IMPG2: variants seen among roughly 807,000 people sequenced by gnomAD.
The protein encoded by IMPG2 is interphotoreceptor matrix proteoglycan 2.
IMPG2 carries 91 observed loss-of-function variants against 129.2 expected under a neutral mutation model. The observed-to-expected ratio is 0.70, with a 90% CI of 0.59 to 0.84. The LOEUF (loss-of-function observed/expected upper bound fraction) is 0.84, where lower values mean the gene tolerates loss of function less well. IMPG2 is among the 40% of genes least tolerant of loss of function. The pLI is 0.00. For synonymous variants in IMPG2, 510 were observed against 517.7 expected (o/e 0.99, Z 0.20); for missense variants, 1,430 against 1,461.7 (o/e 0.98, Z 0.35).
At chr3:101,311,013 C>T (rs1380609448) in intron 2 of IMPG2, among the ~76,000 whole-genome samples, 1 of 152,028 alleles carries the variant, frequency 6.6e-6, no homozygotes, top group Non-Finnish European at 1.5e-5. Context: ...AATTCAATTG[C>T]CAGAGTCCCA....
chr3:101,303,779 A>G (rs1668470661), intron 3 of IMPG2, among the ~76,000 whole-genome samples: 1 of 152,218 alleles, frequency 6.6e-6, no homozygotes, highest in Admixed American at 6.5e-5. Context: ...CTCTGAGTTG[A>G]TAACATGTAA....
rs2107207739 is a variant in IMPG2 at position 101,232,722 on chromosome 3, C to A, written c.3233+59G>T. On this transcript the variant is annotated intron_variant, in intron 15 of 18. Transcript: ENST00000193391. ...ATCCTAAAATTATAGGTGCAGGCCC[C>A]TTTTCTTTAGAGGAAATATCTATAG... The A allele has an allele frequency of 6.1e-6, 9 of 1,468,358 alleles. No homozygotes were observed. In the South Asian group the frequency reaches 1.0e-4, roughly 17 times the overall value. The allele number at this position is 1,468,358 out of a possible 1,614,324, so 91.0% of individuals were successfully genotyped here. A position where few individuals can be genotyped will look rare whatever the true frequency, so the allele number is the denominator to read the frequency against.
intron 6 of IMPG2, 69 bp downstream of exon 6, chr3:101,275,594 G>A: frequency 1.8e-6 from 2 of 1,136,986 alleles, no homozygotes; most frequent in South Asian, 2.5e-5. Context: ...CCAGCAATGG[G>A]AGATAAACTC....
chr3:101,295,988 AGAACCATGTTGT>A (rs1707075703), intron 3 of IMPG2, among the ~76,000 whole-genome samples: 1 of 152,218 alleles, frequency 6.6e-6, no homozygotes, highest in Non-Finnish European at 1.5e-5. Context: ...TTCTAAACAT[AGAACCATGTTGT>A]CTGCAATCAG....
chr3:101,318,441 C>A (rs569017135), intron 2 of IMPG2, among the ~76,000 whole-genome samples: 5 of 151,764 alleles, frequency 3.3e-5, no homozygotes, highest in Non-Finnish European at 7.4e-5. Context: ...AAAGAGCTGC[C>A]AATATACATT....
At chr3:101,293,109 A>G (rs1177888043) in intron 3 of IMPG2, among the ~76,000 whole-genome samples, 1 of 152,110 alleles carries the variant, frequency 6.6e-6, no homozygotes, top group Non-Finnish European at 1.5e-5. Flanking sequence ...GATCTCACCT[A>G]TTGAGTCATG....
intron 13 of IMPG2, among the ~76,000 whole-genome samples, chr3:101,243,116 G>A (rs1706428712): frequency 1.3e-5 from 2 of 152,150 alleles, no homozygotes; most frequent in African/African-American, 4.8e-5. Context: ...TTTTCATAGT[G>A]ATATTTAGGA....
intron 3 of IMPG2, among the ~76,000 whole-genome samples, chr3:101,297,899 T>C (rs1280015872): frequency 2.6e-5 from 4 of 152,246 alleles, no homozygotes; most frequent in African/African-American, 9.6e-5. Context: ...GAGAGTTCTG[T>C]AGATAACTAT....
At chr3:101,283,006 C>CCCCT (rs1472943945) in intron 4 of IMPG2, among the ~76,000 whole-genome samples, 2 of 152,002 alleles carry the variant, frequency 1.3e-5, no homozygotes, top group African/African-American at 2.4e-5. Context: ...ACTGTGCCAC[C>CCCCT]ATTTTTATTA....
intron 13 of IMPG2, 46 bp downstream of exon 13, chr3:101,243,483 A>G: frequency 1.3e-6 from 2 of 1,556,236 alleles, no homozygotes. Context: ...GGAGTCGGTC[A>G]TACATGATTA....
chr3:101,288,855 CCTCT>C (rs752390368), intron 4 of IMPG2, among the ~76,000 whole-genome samples: 2 of 152,084 alleles, frequency 1.3e-5, no homozygotes, highest in African/African-American at 2.4e-5. Context: ...ATTTCTCTTC[CCTCT>C]CTCTATGTAT....
At chr3:101,275,018 T>C (rs1193401876) in intron 6 of IMPG2, among the ~76,000 whole-genome samples, 2 of 151,794 alleles carry the variant, frequency 1.3e-5, no homozygotes, top group African/African-American at 2.4e-5. Flanking sequence ...GAGAACTAAA[T>C]TGCATCTTCC....
Position 101,222,707 on chromosome 3 carries a change from A to T in IMPG2, c.*4262T>A, listed in dbSNP as rs1706177463. ...AGTACAGTTAACATGAATTTATTTG[A>T]TTCAAACCCTGGATAAAATGTCATT... is the stretch of plus-strand genomic sequence containing the variant. On this transcript the variant is annotated 3_prime_UTR_variant, in exon 19 of 19. Coordinates refer to ENST00000193391, the MANE Select transcript of IMPG2 (RefSeq NM_016247.4). 6.6e-6 allele frequency: 1 copy of T among 152,242 alleles called. No homozygotes were observed. 9.4% of individuals were successfully genotyped at this position (152,242 alleles called of 1,614,324 possible). A position where few individuals can be genotyped will look rare whatever the true frequency, so the allele number is the denominator to read the frequency against.
At chr3:101,263,311 C>T (rs990789750) in intron 9 of IMPG2, among the ~76,000 whole-genome samples, 11 of 151,866 alleles carry the variant, frequency 7.2e-5, no homozygotes, top group Admixed American at 2.6e-4. Flanking sequence ...TGTTAGGACA[C>T]AGAACAAGTC....
chr3:101,301,264 A>T (rs1233334103), intron 3 of IMPG2, among the ~76,000 whole-genome samples: 1 of 152,228 alleles, frequency 6.6e-6, no homozygotes, highest in Non-Finnish European at 1.5e-5. Flanking sequence ...ATAATTTTTT[A>T]AAATTTCGAA....
In IMPG2 at chr3:101,304,082, G is replaced by A. The variant is rs1369313482; in HGVS notation, c.501+64C>T. The A allele has an allele frequency of 3.2e-6, 5 of 1,559,240 alleles. No individual in the cohort carries two copies. In the Admixed American group the frequency reaches 6.7e-5, roughly 21 times the overall value. ...TTGCCACTTGCTTTTGCTTCCTTTAGGCCTTAGCTGTGTAAATGCTCCTAC... is the reference window on the plus strand; with the variant it reads ...TTGCCACTTGCTTTTGCTTCCTTTAAGCCTTAGCTGTGTAAATGCTCCTAC... On this transcript the variant is annotated intron_variant, in intron 3 of 18. Transcript: ENST00000193391.
chr3:101,313,984 A>C (rs1453863492), intron 2 of IMPG2, among the ~76,000 whole-genome samples: 1 of 152,124 alleles, frequency 6.6e-6, no homozygotes, highest in Non-Finnish European at 1.5e-5. Context: ...TATCACTAAT[A>C]ATAGATGAAA....
chr3:101,264,249 A>C (rs1706699637), intron 9 of IMPG2, among the ~76,000 whole-genome samples: 1 of 152,116 alleles, frequency 6.6e-6, no homozygotes, highest in Non-Finnish European at 1.5e-5. Flanking sequence ...ACCTGACAAA[A>C]ATTGAAAACT....
chr3:101,275,511 A>G, intron 6 of IMPG2, 152 bp downstream of exon 6: 1 of 654,696 alleles, frequency 1.5e-6, no homozygotes, highest in Non-Finnish European at 2.7e-6. Context: ...GAATCTCAAA[A>G]TTGTTTTTAA....
Sources: allele counts gnomAD v4.1 joint callset (sites outside exome capture counted in the v4.1 genomes callset), GRCh38; gene constraint gnomAD v4.1.1; transcripts MANE v1.5; gene names NCBI Gene and HGNC (gene_info 2026-07-23, HGNC 2026-07-21).